Variants in DNAJC24 observed in about 807,000 individuals in gnomAD.
The protein encoded by DNAJC24 is dnaJ homolog subfamily C member 24.
Under a neutral mutation model 18.0 loss-of-function variants are expected in DNAJC24, and 17 were observed. That is an observed-to-expected ratio of 0.94 (90% CI 0.65 to 1.42). DNAJC24 has a LOEUF of 1.42. Among genes scored for constraint, DNAJC24 ranks in the 40% most tolerant of loss-of-function variants. The probability of loss-of-function intolerance (pLI) is 0.00; values close to 1 mark genes in which losing one functional copy is unlikely to be tolerated. For synonymous variants in DNAJC24, 55 were observed against 57.7 expected (o/e 0.95, Z 0.21); for missense variants, 158 against 175.6 (o/e 0.90, Z 0.57).
chr11:31,425,585 G>T (rs1407432751), intron 3 of DNAJC24, among the ~76,000 whole-genome samples: 1 of 152,060 alleles, frequency 6.6e-6, no homozygotes, highest in East Asian at 1.9e-4. Context: ...CTTCCTTTAT[G>T]TGTGGGTGCG....
chr11:31,426,383 A>G lies in DNAJC24; in HGVS notation c.319+28A>G. 4 of 1,304,202 alleles carry G rather than the reference A, an allele frequency of 3.1e-6. No individual in the cohort carries two copies. The East Asian group carries it at 7.4e-5, about 24-fold the overall frequency. 80.8% of individuals were successfully genotyped at this position (1,304,202 alleles called of 1,614,324 possible). A position where few individuals can be genotyped will look rare whatever the true frequency, so the allele number is the denominator to read the frequency against. On this transcript the variant is annotated intron_variant, in intron 4 of 4. Coordinates refer to ENST00000465995, the MANE Select transcript of DNAJC24 (RefSeq NM_181706.5). Reference sequence around the variant, plus strand: ...TGGATTTTTTTTTTCTCTTGACAACATTTAAAAAAAAAAGGAATTTTCTAT... The same window carrying G: ...TGGATTTTTTTTTTCTCTTGACAACGTTTAAAAAAAAAAGGAATTTTCTAT...
At chr11:31,428,439 A>G (rs1368541459) in intron 4 of DNAJC24, among the ~76,000 whole-genome samples, 1 of 152,194 alleles carries the variant, frequency 6.6e-6, no homozygotes, top group Non-Finnish European at 1.5e-5. Context: ...TTTTTTTCCA[A>G]TTAAAAAGAG....
intron 2 of DNAJC24, among the ~76,000 whole-genome samples, chr11:31,390,997 A>T (rs1952489720): frequency 6.6e-6 from 1 of 152,224 alleles, no homozygotes; most frequent in South Asian, 2.1e-4. Flanking sequence ...TCAAAAGATC[A>T]TTCTTCGTGA....
intron 2 of DNAJC24, among the ~76,000 whole-genome samples, chr11:31,382,375 A>G (rs538870845): frequency 1.3e-5 from 2 of 152,224 alleles, no homozygotes; most frequent in Admixed American, 6.5e-5. Flanking sequence ...GAATGAATAT[A>G]AAGCATTTAG....
At chr11:31,395,157 T>C (rs967076792) in intron 2 of DNAJC24, among the ~76,000 whole-genome samples, 5 of 152,326 alleles carry the variant, frequency 3.3e-5, no homozygotes, top group Admixed American at 3.3e-4. Flanking sequence ...CTTGTATTAG[T>C]GCACTTAGGA....
At chr11:31,421,291 G>A (rs987326766) in intron 3 of DNAJC24, among the ~76,000 whole-genome samples, 3 of 152,062 alleles carry the variant, frequency 2.0e-5, no homozygotes, top group African/African-American at 7.2e-5. Flanking sequence ...TAAATTACTT[G>A]GTTTTAAGAG....
chr11:31,389,897 C>T (rs1406437963), intron 2 of DNAJC24, among the ~76,000 whole-genome samples: 1 of 152,088 alleles, frequency 6.6e-6, no homozygotes, highest in Non-Finnish European at 1.5e-5. Flanking sequence ...AAACAACATA[C>T]TCCTGAATGA....
At chr11:31,404,240 C>T (rs1411554441) in intron 2 of DNAJC24, among the ~76,000 whole-genome samples, 1 of 152,280 alleles carries the variant, frequency 6.6e-6, no homozygotes, top group South Asian at 2.1e-4. Context: ...ATGCCTTAAC[C>T]ATCTGGGAAT....
At chr11:31,374,895 C>G (rs1226759158) in intron 2 of DNAJC24, among the ~76,000 whole-genome samples, 1 of 134,876 alleles carries the variant, frequency 7.4e-6, no homozygotes, top group East Asian at 1.9e-4. Context: ...TGTCTTTTGC[C>G]TGTCTTTTCT....
At chr11:31,386,591 C>T (rs1018329910) in intron 2 of DNAJC24, among the ~76,000 whole-genome samples, 4 of 152,054 alleles carry the variant, frequency 2.6e-5, no homozygotes, top group Non-Finnish European at 5.9e-5. Flanking sequence ...TTGAACATCA[C>T]TGGTACCCAG....
chr11:31,391,402 C>T (rs1300853162), intron 2 of DNAJC24, among the ~76,000 whole-genome samples: 4 of 152,000 alleles, frequency 2.6e-5, no homozygotes, highest in Admixed American at 2.0e-4. Context: ...GTATAAGGAG[C>T]TTAAACAATA....
chr11:31,409,553 T>A (rs1288341338), intron 2 of DNAJC24, among the ~76,000 whole-genome samples: 3 of 152,242 alleles, frequency 2.0e-5, no homozygotes, highest in Non-Finnish European at 4.4e-5. Context: ...TAGATACTCA[T>A]TTGTGTTATT....
intron 3 of DNAJC24, among the ~76,000 whole-genome samples, chr11:31,417,514 G>C (rs552687738): frequency 6.6e-6 from 1 of 152,236 alleles, no homozygotes; most frequent in South Asian, 2.1e-4. Flanking sequence ...CCGAGAGAGA[G>C]AGTTTGTTAT....
intron 2 of DNAJC24, among the ~76,000 whole-genome samples, chr11:31,382,483 T>TA (rs1308852315): frequency 2.6e-5 from 4 of 152,188 alleles, no homozygotes; most frequent in African/African-American, 9.7e-5. Flanking sequence ...CATATAAAAA[T>TA]ACAGAATAAT....
chr11:31,398,841 C>T (rs16922146), intron 2 of DNAJC24, among the ~76,000 whole-genome samples: 3,113 of 152,292 alleles, frequency 0.02, 95 homozygotes, highest in African/African-American at 0.07. Context: ...TGTATGTGTA[C>T]ATCGCCACTC....
intron 3 of DNAJC24, among the ~76,000 whole-genome samples, chr11:31,422,647 T>G (rs1952818218): frequency 1.3e-5 from 2 of 152,170 alleles, no homozygotes; most frequent in African/African-American, 4.8e-5. Flanking sequence ...GAAAACTAAC[T>G]TATCTGTTTT....
chr11:31,399,605 G>A (rs1171780971), intron 2 of DNAJC24, among the ~76,000 whole-genome samples: 1 of 151,552 alleles, frequency 6.6e-6, no homozygotes, highest in Non-Finnish European at 1.5e-5. Context: ...GTAGAGACGG[G>A]ATTCCAACAT....
At chr11:31,401,110 C>T (rs1189265569) in intron 2 of DNAJC24, among the ~76,000 whole-genome samples, 2 of 151,850 alleles carry the variant, frequency 1.3e-5, no homozygotes, top group African/African-American at 4.8e-5. Flanking sequence ...TTTATGTGGC[C>T]AAGAAACATG....
At position 31,413,480 on chromosome 11, in the gene DNAJC24, A is replaced by G. The variant is rs562628344; in HGVS notation, c.112-1331A>G. On this transcript the variant is annotated intron_variant, in intron 2 of 4. Coordinates refer to ENST00000465995, the MANE Select transcript of DNAJC24 (RefSeq NM_181706.5). Reference sequence around the variant, plus strand: ...TGAGTAGCTGGGATTACAGGCGCCCACCACCACACCTGGCCAATATTTTTG... The same window carrying G: ...TGAGTAGCTGGGATTACAGGCGCCCGCCACCACACCTGGCCAATATTTTTG... Among the ~76,000 whole-genome samples, 1,193 of 151,782 alleles carry G rather than the reference A, an allele frequency of 7.9e-3. 13 individuals carry two copies. Among genetic ancestry groups the G allele is most frequent in the African/African-American group, 0.023 (944 of 41,376 alleles).
Sources: gnomAD v4.1 joint callset for allele counts (sites outside exome capture counted in the v4.1 genomes callset) on GRCh38, gnomAD v4.1.1 for gene constraint, MANE v1.5 for transcripts, NCBI Gene and HGNC (gene_info 2026-07-23, HGNC 2026-07-21) for gene names.